PTPN1: variants seen among roughly 807,000 people sequenced by gnomAD.
PTPN1 encodes the protein protein tyrosine phosphatase non-receptor type 1.
A neutral mutation model predicts 59.9 loss-of-function variants in PTPN1; 12 were observed. That is an observed-to-expected ratio of 0.20 (90% CI 0.13 to 0.32). The LOEUF is 0.32. PTPN1 is among the 10% of genes least tolerant of loss of function. The probability of loss-of-function intolerance (pLI) is 1.00; values close to 1 mark genes in which losing one functional copy is unlikely to be tolerated. For missense variants in PTPN1, 356 were observed against 549.2 expected, an observed-to-expected ratio of 0.65 and a Z score of 3.52; for synonymous variants, 178 against 203.6, an observed-to-expected ratio of 0.87 and a Z score of 1.07.
At chr20:50,520,371 C>CAAA (rs11474492) in intron 1 of PTPN1, among the ~76,000 whole-genome samples, 2,059 of 131,364 alleles carry the variant, frequency 0.016, 51 homozygotes, top group African/African-American at 0.05. Flanking sequence ...AACTCTGTCT[C>CAAA]AAAAAAAAAA....
intron 2 of PTPN1, among the ~76,000 whole-genome samples, chr20:50,562,121 C>T (rs1166908064): frequency 2.6e-5 from 4 of 152,202 alleles, no homozygotes; most frequent in African/African-American, 4.8e-5. Context: ...ACTTGAACTG[C>T]GCCATCTCCT....
rs570236971 is a variant in PTPN1, at chr20:50,533,323, C to T, written c.63+22733C>T. Among the ~76,000 whole-genome samples the T allele has an allele frequency of 6.4e-4, 97 of 152,156 alleles. 1 individual carries two copies. The highest frequency in any genetic ancestry group is 2.3e-3 in the South Asian group (11 of 4,812). Reference sequence around the variant, plus strand: ...TACATTGCCTCCTTTGACTATATTTCTTATTTAAGATTAGTTTTCAGATAA... The same window carrying T: ...TACATTGCCTCCTTTGACTATATTTTTTATTTAAGATTAGTTTTCAGATAA... On this transcript the variant is annotated intron_variant, in intron 1 of 9. Coordinates refer to ENST00000371621, the MANE Select transcript of PTPN1 (RefSeq NM_002827.4).
intron 1 of PTPN1, among the ~76,000 whole-genome samples, chr20:50,527,389 G>C (rs1229406627): frequency 6.6e-6 from 1 of 151,984 alleles, no homozygotes; most frequent in Non-Finnish European, 1.5e-5. Context: ...TGTCACCCAG[G>C]CTGGAGTGCA....
chr20:50,561,273 A>G (rs949194640), intron 1 of PTPN1, 90 bp from the exon 2 acceptor site: 4 of 988,944 alleles, frequency 4.0e-6, no homozygotes, highest in South Asian at 3.1e-5. Context: ...TGCATTTCCC[A>G]TATTGCCCGG....
At chr20:50,545,961 C>T (rs2082673832) in intron 1 of PTPN1, among the ~76,000 whole-genome samples, 2 of 151,972 alleles carry the variant, frequency 1.3e-5, no homozygotes, top group South Asian at 4.2e-4. Flanking sequence ...TCACCTGAGC[C>T]CTAGAAGTCG....
intron 1 of PTPN1, among the ~76,000 whole-genome samples, chr20:50,538,697 A>T (rs1035891253): frequency 6.6e-6 from 1 of 152,206 alleles, no homozygotes; most frequent in Non-Finnish European, 1.5e-5. Context: ...GTGTTTTCTA[A>T]TAGTTGCTTC....
intron 1 of PTPN1, among the ~76,000 whole-genome samples, chr20:50,555,900 C>T (rs1158392435): frequency 1.3e-5 from 2 of 152,178 alleles, no homozygotes; most frequent in African/African-American, 4.8e-5. Flanking sequence ...TTTCTTACAT[C>T]TTCATCCAGT....
chr20:50,545,965 G>T (rs573730410), intron 1 of PTPN1, among the ~76,000 whole-genome samples: 30 of 152,024 alleles, frequency 2.0e-4, no homozygotes, highest in Admixed American at 1.8e-3. Context: ...CTGAGCCCTA[G>T]AAGTCGAGGC....
At chr20:50,517,333 C>T (rs915991014) in intron 1 of PTPN1, among the ~76,000 whole-genome samples, 1 of 152,210 alleles carries the variant, frequency 6.6e-6, no homozygotes, top group Admixed American at 6.5e-5. Flanking sequence ...TGGCTCACTG[C>T]AACCTCCACC....
intron 4 of PTPN1, among the ~76,000 whole-genome samples, chr20:50,570,233 G>T (rs935633539): frequency 1.3e-5 from 2 of 152,202 alleles, no homozygotes; most frequent in Non-Finnish European, 2.9e-5. Context: ...ACAAAGAAAC[G>T]GCTTTAGTTA....
chr20:50,511,118 A>G (rs970665356), intron 1 of PTPN1, among the ~76,000 whole-genome samples: 2 of 152,122 alleles, frequency 1.3e-5, no homozygotes, highest in Non-Finnish European at 2.9e-5. Flanking sequence ...TTTATTGGAT[A>G]GGAGTTGGCA....
intron 1 of PTPN1, among the ~76,000 whole-genome samples, chr20:50,527,395 G>T (rs1262961709): frequency 6.6e-6 from 1 of 151,888 alleles, no homozygotes; most frequent in African/African-American, 2.4e-5. Context: ...CCAGGCTGGA[G>T]TGCAGTGCCG....
chr20:50,538,563 C>T (rs1169860448), intron 1 of PTPN1, among the ~76,000 whole-genome samples: 3 of 152,260 alleles, frequency 2.0e-5, no homozygotes, highest in African/African-American at 7.2e-5. Context: ...GTAGGCACTG[C>T]CAGACTGTGA....
intron 1 of PTPN1, among the ~76,000 whole-genome samples, chr20:50,542,676 A>G (rs935925366): frequency 6.6e-6 from 1 of 152,216 alleles, no homozygotes; most frequent in African/African-American, 2.4e-5. Flanking sequence ...TGGTTCCTAT[A>G]TAGTTGTAGT....
At chr20:50,552,986 C>T (rs1163844085) in intron 1 of PTPN1, among the ~76,000 whole-genome samples, 2 of 152,138 alleles carry the variant, frequency 1.3e-5, no homozygotes, top group African/African-American at 4.8e-5. Context: ...CAACCTTCTC[C>T]TTTTATTTCC....
intron 1 of PTPN1, among the ~76,000 whole-genome samples, chr20:50,544,252 G>C (rs1409635819): frequency 2.0e-5 from 3 of 152,124 alleles, no homozygotes; most frequent in Admixed American, 2.0e-4. Flanking sequence ...TGGGCCTCAA[G>C]GGATCCTCCC....
At chr20:50,561,328 G>T (rs553021642) in intron 1 of PTPN1, 35 bp from the exon 2 acceptor site, 18 of 1,485,338 alleles carry the variant, frequency 1.2e-5, no homozygotes, top group Middle Eastern at 3.5e-4. Flanking sequence ...CTCAGTGTCT[G>T]ACGGTCAGTT....
intron 1 of PTPN1, among the ~76,000 whole-genome samples, chr20:50,523,861 C>T (rs1480677997): frequency 6.6e-6 from 1 of 152,062 alleles, no homozygotes; most frequent in Admixed American, 6.6e-5. Flanking sequence ...TTCTGAAGGG[C>T]AAGGAGGAGT....
chr20:50,569,896 C>T (rs956789947), intron 4 of PTPN1, among the ~76,000 whole-genome samples: 3 of 152,250 alleles, frequency 2.0e-5, no homozygotes, highest in African/African-American at 7.2e-5. Flanking sequence ...CGCTGCTCCC[C>T]AACACTGCCA....
Sources: allele counts gnomAD v4.1 joint callset (sites outside exome capture counted in the v4.1 genomes callset), GRCh38; gene constraint gnomAD v4.1.1; transcripts MANE v1.5; gene names NCBI Gene and HGNC (gene_info 2026-07-23, HGNC 2026-07-21).